NEK11: variants seen among roughly 807,000 people sequenced by gnomAD.
The protein encoded by NEK11 is serine/threonine-protein kinase Nek11.
NEK11 carries 72 observed loss-of-function variants against 80.7 expected under a neutral mutation model. The observed-to-expected ratio is 0.89, with a 90% CI of 0.74 to 1.08. The LOEUF is 1.08. Among genes scored for constraint, NEK11 ranks in the 50% least tolerant of loss-of-function variants. The pLI is 0.00. For synonymous variants in NEK11, 251 were observed against 260.7 expected, an observed-to-expected ratio of 0.96 and a Z score of 0.36; for missense variants, 764 against 763.6, an observed-to-expected ratio of 1.00 and a Z score of -0.01.
intron 11 of NEK11, among the ~76,000 whole-genome samples, chr3:131,164,824 T>C (rs1206525594): frequency 6.6e-6 from 1 of 152,182 alleles, no homozygotes; most frequent in African/African-American, 2.4e-5. Context: ...GTACCCGTTT[T>C]AGAGACAAGG....
At chr3:131,177,083 A>G (rs2093064117) in intron 14 of NEK11, among the ~76,000 whole-genome samples, 2 of 152,186 alleles carry the variant, frequency 1.3e-5, no homozygotes, top group Admixed American at 6.5e-5. Context: ...ATACCACGGT[A>G]TGGTTTTCCT....
At chr3:131,285,133 C>G (rs561398560) in intron 17 of NEK11, among the ~76,000 whole-genome samples, 2 of 152,320 alleles carry the variant, frequency 1.3e-5, no homozygotes, top group African/African-American at 4.8e-5. Context: ...CAACTTCAAA[C>G]TAATCATTAG....
rs9864242 is a variant in NEK11, at chr3:131,029,889, A to C, written c.170+11A>C. 1.2e-6 allele frequency: 2 copies of C among 1,613,374 alleles called. No homozygotes were observed. Among genetic ancestry groups the C allele is most frequent in the African/African-American group, 1.3e-5 (1 of 74,982 alleles). Reference sequence around the variant, plus strand: ...ACGAGGAGAGGAATTGTAAGTAAAAATGCTTCCTATGAATCTTGAGTAGGC... The same window carrying C: ...ACGAGGAGAGGAATTGTAAGTAAAACTGCTTCCTATGAATCTTGAGTAGGC... On this transcript the variant is annotated intron_variant, in intron 3 of 17. Coordinates refer to ENST00000383366, the MANE Select transcript of NEK11 (RefSeq NM_024800.5).
intron 7 of NEK11, among the ~76,000 whole-genome samples, chr3:131,146,063 C>A (rs1178632457): frequency 6.6e-6 from 1 of 152,042 alleles, no homozygotes; most frequent in African/African-American, 2.4e-5. Flanking sequence ...GGGGTTGTTG[C>A]TCCCAAGGGT....
At position 131,109,745 on chromosome 3, in the gene NEK11, G is replaced by A; in HGVS notation, c.337-58G>A. 4 of 1,515,956 alleles carry A rather than the reference G, an allele frequency of 2.6e-6. No homozygotes were observed. The South Asian group carries it at 4.0e-5, about 15-fold the overall frequency. 93.9% of individuals were successfully genotyped at this position (1,515,956 alleles called of 1,614,324 possible). On this transcript the variant is annotated intron_variant, in intron 4 of 17. Transcript: ENST00000383366. ...TGCTATGTATTAACTGTTGTTAAGT[G>A]AACTTGATTTTAACATATTAGCTGA...
At chr3:131,069,906 A>T (rs866448490) in intron 3 of NEK11, among the ~76,000 whole-genome samples, 1 of 151,904 alleles carries the variant, frequency 6.6e-6, no homozygotes, top group African/African-American at 2.4e-5. Context: ...GCAGCGCACC[A>T]GCACGGCACA....
At chr3:131,073,109 A>T (rs570319488) in intron 3 of NEK11, among the ~76,000 whole-genome samples, 1 of 152,304 alleles carries the variant, frequency 6.6e-6, no homozygotes, top group African/African-American at 2.4e-5. Flanking sequence ...CTATTCTTGC[A>T]CTGACACAAG....
chr3:131,348,433 A>T (rs1403101582), intron 17 of NEK11, among the ~76,000 whole-genome samples: 1 of 152,078 alleles, frequency 6.6e-6, no homozygotes, highest in Non-Finnish European at 1.5e-5. Flanking sequence ...TATGAGAAGG[A>T]GCCTGGTATA....
intron 16 of NEK11, among the ~76,000 whole-genome samples, chr3:131,270,643 A>G (rs985760984): frequency 6.6e-6 from 1 of 152,316 alleles, no homozygotes; most frequent in Admixed American, 6.5e-5. Flanking sequence ...GAAACACTGA[A>G]AAAGGAATTG....
At chr3:131,079,071 T>G (rs1289609747) in intron 3 of NEK11, among the ~76,000 whole-genome samples, 2 of 152,206 alleles carry the variant, frequency 1.3e-5, no homozygotes, top group African/African-American at 2.4e-5. Flanking sequence ...ATTTTCAAGT[T>G]TTTTGGTAAT....
chr3:131,081,864 C>T (rs184858455), intron 4 of NEK11, among the ~76,000 whole-genome samples: 237 of 152,282 alleles, frequency 1.6e-3, no homozygotes, highest in African/African-American at 5.4e-3. Context: ...AGAAAAGAAG[C>T]TCAGAAGGAA....
chr3:131,203,029 C>A (rs112011193), intron 14 of NEK11, among the ~76,000 whole-genome samples: 2,545 of 152,260 alleles, frequency 0.017, 66 homozygotes, highest in African/African-American at 0.058. Context: ...GGCGATTCTT[C>A]AGGGATCTAG....
chr3:131,081,273 T>C (rs2075229590), intron 4 of NEK11, among the ~76,000 whole-genome samples: 1 of 152,228 alleles, frequency 6.6e-6, no homozygotes. Context: ...TCCTGAGTTT[T>C]GGATTCCAGC....
intron 9 of NEK11, among the ~76,000 whole-genome samples, chr3:131,154,042 T>C (rs1471187325): frequency 6.6e-6 from 1 of 152,056 alleles, no homozygotes; most frequent in Non-Finnish European, 1.5e-5. Flanking sequence ...ATGTTGTGCC[T>C]TGGAGGTAGG....
chr3:131,322,004 A>G (rs1268432841), intron 17 of NEK11, among the ~76,000 whole-genome samples: 1 of 152,206 alleles, frequency 6.6e-6, no homozygotes, highest in Non-Finnish European at 1.5e-5. Flanking sequence ...TATCTAAAAG[A>G]AAACAAAGTG....
Position 131,152,413 on chromosome 3 carries a change from A to G in NEK11, c.673A>G (p.Met225Val), listed in dbSNP as rs779316802. ...IWSLACILYE[M>V]CCMNHAFAGS... ...GTCACTGGCATGCATTTTGTATGAG[A>G]TGTGCTGCATGAATCATGCATTCGC... The change falls in exon 8 of 18, where the codon ATG (methionine) becomes GTG (valine). Residue 225 changes from methionine to valine, a missense_variant. By Grantham distance (21) the Met-to-Val change is conservative. Transcript: ENST00000383366. 6.8e-6 allele frequency: 11 copies of G among 1,611,596 alleles called. No homozygotes were observed. In the Admixed American group the frequency reaches 1.9e-4, roughly 27 times the overall value.
chr3:131,126,057 A>C (rs1001968324), intron 5 of NEK11, among the ~76,000 whole-genome samples: 1 of 152,212 alleles, frequency 6.6e-6, no homozygotes, highest in African/African-American at 2.4e-5. Flanking sequence ...CTGCTCCCAG[A>C]CTGGGTTCTC....
At chr3:131,317,753 C>A (rs1225453664) in intron 17 of NEK11, among the ~76,000 whole-genome samples, 1 of 66,394 alleles carries the variant, frequency 1.5e-5, no homozygotes, top group Non-Finnish European at 2.9e-5. Context: ...CCTGTCTCTA[C>A]CCCCACCCAA....
chr3:131,329,802 C>T (rs571912137), intron 17 of NEK11: 35 of 152,464 alleles, frequency 2.3e-4, no homozygotes, highest in African/African-American at 7.5e-4. Context: ...CTAATGCGTT[C>T]AAAGAAGAGC....
Sources: allele counts gnomAD v4.1 joint callset (sites outside exome capture counted in the v4.1 genomes callset), GRCh38; gene constraint gnomAD v4.1.1; transcripts MANE v1.5; gene names NCBI Gene and HGNC (gene_info 2026-07-23, HGNC 2026-07-21).